SYTL4: variants seen among roughly 807,000 people sequenced by gnomAD.
SYTL4 encodes the protein synaptotagmin-like protein 4.
Under a neutral mutation model 52.7 loss-of-function variants are expected in SYTL4, and 16 were observed. The observed-to-expected ratio is 0.30, with a 90% CI of 0.21 to 0.46. SYTL4 has a LOEUF of 0.46. Among genes scored for constraint, SYTL4 ranks in the 20% least tolerant of loss-of-function variants. SYTL4 has a pLI of 1.00. For missense variants in SYTL4, 423 were observed against 519.9 expected (o/e 0.81, Z 1.81); for synonymous variants, 160 against 186.6 (o/e 0.86, Z 1.16).
chrX:100,686,204 A>C (rs2083470886), intron 15 of SYTL4, 53 bp from the exon 16 acceptor site: 1 of 1,112,825 alleles, frequency 9.0e-7, no homozygotes, highest in African/African-American at 1.8e-5. Flanking sequence ...AATTCTTCAG[A>C]CAAGATTATT....
At chrX:100,710,004 T>G (rs1440198011) in intron 2 of SYTL4, among the ~76,000 whole-genome samples, 8 of 111,865 alleles carry the variant, frequency 7.2e-5, no homozygotes. Flanking sequence ...CAGGCCACTG[T>G]TTTTGAAGTG....
At chrX:100,714,487 C>A (rs946398686) in intron 2 of SYTL4, among the ~76,000 whole-genome samples, 38 of 111,405 alleles carry the variant, frequency 3.4e-4, no homozygotes, top group Non-Finnish European at 5.1e-4. Context: ...TCTCGATCTC[C>A]TGACCTCGTG....
intron 13 of SYTL4, chrX:100,687,454 C>T (rs2083496605): frequency 2.5e-6 from 1 of 399,744 alleles, no homozygotes; most frequent in Non-Finnish European, 4.3e-6. Flanking sequence ...CAGCTCATGG[C>T]TCACCTAGCC....
chrX:100,706,807 G>T (rs1348674228), intron 2 of SYTL4, among the ~76,000 whole-genome samples: 1 of 111,072 alleles, frequency 9.0e-6, no homozygotes, highest in Admixed American at 9.7e-5. Flanking sequence ...GATAGGAAAA[G>T]ATATACCAGG....
chrX:100,692,886 C>T (rs1222663793), intron 8 of SYTL4, among the ~76,000 whole-genome samples: 1 of 111,512 alleles, frequency 9.0e-6, no homozygotes, highest in Non-Finnish European at 1.9e-5. Flanking sequence ...CATCTAGTCT[C>T]ATGGCTTTAA....
At position 100,701,133 on chromosome X, in the gene SYTL4, AC is replaced by A. The variant is rs1259775292; in HGVS notation, c.436+86del. ...CAATACAATCTTCTATTCTCCACTA[AC>A]TGGCTGAGCCCATGGAGTTAAGATG... On this transcript the variant is annotated intron_variant, in intron 7 of 19. Coordinates refer to ENST00000372989, the MANE Select transcript of SYTL4 (RefSeq NM_001370165.1). The A allele has an allele frequency of 2.6e-5, 23 of 884,859 alleles. No individual in the cohort carries two copies. The East Asian group carries it at 6.9e-4, about 26-fold the overall frequency. 72.9% of individuals were successfully genotyped at this position (884,859 alleles called of 1,213,427 possible).
intron 2 of SYTL4, among the ~76,000 whole-genome samples, chrX:100,711,080 G>A (rs975757211): frequency 1.6e-4 from 18 of 111,915 alleles, no homozygotes; most frequent in African/African-American, 5.9e-4. Flanking sequence ...CTAGCTGAAG[G>A]ACTCAGAAGG....
chrX:100,695,234 A>G (rs1008654686), intron 8 of SYTL4, among the ~76,000 whole-genome samples: 5 of 111,842 alleles, frequency 4.5e-5, no homozygotes, highest in Non-Finnish European at 7.5e-5. Context: ...GGCTCTAACT[A>G]TCTGTATGAT....
intron 2 of SYTL4, among the ~76,000 whole-genome samples, chrX:100,706,583 A>G (rs184161187): frequency 8.9e-6 from 1 of 112,864 alleles, no homozygotes; most frequent in East Asian, 2.8e-4. Flanking sequence ...AGACAAAGGT[A>G]AGTGCAGAAA....
At chrX:100,720,183 T>C (rs2084311601) in intron 2 of SYTL4, among the ~76,000 whole-genome samples, 1 of 112,190 alleles carries the variant, frequency 8.9e-6, no homozygotes, top group South Asian at 3.7e-4. Flanking sequence ...AATCTACATT[T>C]GAAGCTTCCT....
rs147354709 is a variant in SYTL4 at position 100,711,305 on chromosome X, G to C, written c.-239-6419C>G. On this transcript the variant is annotated intron_variant, in intron 2 of 19. Coordinates refer to ENST00000372989, the MANE Select transcript of SYTL4 (RefSeq NM_001370165.1). ...TTGGTACCCAGTAAAAAACTAACAG[G>C]CATGCAAAAAAGCAAGAAAATATGA... Among the ~76,000 whole-genome samples, 832 of 111,432 alleles carry C rather than the reference G, an allele frequency of 7.5e-3. 12 individuals carry two copies. Among genetic ancestry groups the C allele is most frequent in the African/African-American group, 0.026 (788 of 30,649 alleles).
chrX:100,688,420 G>GTCT lies in SYTL4; in HGVS notation c.933_935dup (p.Glu311dup), dbSNP rs200492084. ...GATGTAACTTCACTAGGTGGTCAAT[G>GTCT]TCTTCTTCTTCTTCTTCCTCTTCCT... On this transcript the variant is annotated inframe_insertion, in exon 13 of 20. Transcript: ENST00000372989. 9.1e-6 allele frequency: 11 copies of GTCT among 1,205,576 alleles called. No individual in the cohort carries two copies. In the East Asian group the frequency reaches 1.5e-4, roughly 16 times the overall value.
At chrX:100,712,295 G>A (rs1196205154) in intron 2 of SYTL4, among the ~76,000 whole-genome samples, 1 of 111,864 alleles carries the variant, frequency 8.9e-6, no homozygotes, top group Non-Finnish European at 1.9e-5. Flanking sequence ...CCGTTTAAAG[G>A]AAAAATAACG....
At chrX:100,694,938 A>G (rs1220273161) in intron 8 of SYTL4, among the ~76,000 whole-genome samples, 2 of 111,257 alleles carry the variant, frequency 1.8e-5, no homozygotes, top group Non-Finnish European at 3.8e-5. Context: ...TGAAAGATGT[A>G]TTACTTGTAT....
chrX:100,681,328 G>A lies in SYTL4; in HGVS notation c.1457C>T (p.Ala486Val), dbSNP rs1197087574. 1.7e-6 allele frequency: 2 copies of A among 1,203,216 alleles called. No individual in the cohort carries two copies. The highest frequency in any genetic ancestry group is 2.2e-5 in the Admixed American group (1 of 45,889). The change falls in exon 17 of 20, where the codon GCT becomes GTT. Residue 486 changes from alanine (A) to valine (V), a missense_variant. Physicochemically the swap from Ala to Val is moderately conservative, Grantham distance 64. Coordinates refer to ENST00000372989, the MANE Select transcript of SYTL4 (RefSeq NM_001370165.1). ...TGATGGCAAGCCAGTCGGGGACTCA[G>A]CACTGATCTGAAACACAGGGAAACC... ...HCLPLHGKIS[A>V]ESPTGLPSHK...
intron 14 of SYTL4, 31 bp from the exon 15 acceptor site, chrX:100,686,812 G>A (rs1458949526): frequency 8.9e-7 from 1 of 1,127,150 alleles, no homozygotes; most frequent in Non-Finnish European, 1.2e-6. Flanking sequence ...TGAGTAATTT[G>A]CTGGCCTTTC....
chrX:100,693,661 A>G (rs1242815057), intron 8 of SYTL4, among the ~76,000 whole-genome samples: 3 of 112,032 alleles, frequency 2.7e-5, no homozygotes, highest in Non-Finnish European at 5.6e-5. Flanking sequence ...GAACTATCAT[A>G]TGACCCAGCA....
intron 2 of SYTL4, among the ~76,000 whole-genome samples, chrX:100,730,755 G>A (rs972065834): frequency 4.5e-5 from 5 of 111,237 alleles, no homozygotes; most frequent in African/African-American, 6.6e-5. Flanking sequence ...GCCCAAAAAG[G>A]GCCTCACAAG....
intron 16 of SYTL4, among the ~76,000 whole-genome samples, chrX:100,684,148 A>AT (rs1221915259): frequency 8.9e-6 from 1 of 111,825 alleles, no homozygotes; most frequent in Non-Finnish European, 1.9e-5. Flanking sequence ...AACATTTATC[A>AT]TTTTTTTGCA....
Sources: allele counts gnomAD v4.1 joint callset (sites outside exome capture counted in the v4.1 genomes callset), GRCh38; gene constraint gnomAD v4.1.1; transcripts MANE v1.5; gene names NCBI Gene and HGNC (gene_info 2026-07-23, HGNC 2026-07-21).